The following C1R variants were observed in gnomAD, a reference collection of about 807,000 sequenced individuals.
C1R encodes complement C1r.
A neutral mutation model predicts 27.6 loss-of-function variants in C1R; 15 were observed. The ratio of observed to expected loss-of-function variants is 0.54; its 90% CI spans 0.36 to 0.84. C1R has a LOEUF of 0.84. Among genes scored for constraint, C1R ranks in the 40% least tolerant of loss-of-function variants. The probability of loss-of-function intolerance (pLI) is 0.01; values close to 1 mark genes in which losing one functional copy is unlikely to be tolerated. For synonymous variants in C1R, 253 were observed against 228.8 expected, an observed-to-expected ratio of 1.11 and a Z score of -0.95; for missense variants, 544 against 577.9, an observed-to-expected ratio of 0.94 and a Z score of 0.60.
Position 7,085,068 on chromosome 12 carries a change from ATAG to A in C1R, c.1273+790_1273+792del, listed in dbSNP as rs1203750036. 3.2e-5 allele frequency among the ~76,000 whole-genome samples: 4 copies of A among 125,016 alleles called. No individual in the cohort carries two copies. The East Asian group carries it at 9.5e-4, about 30-fold the overall frequency. The allele number at this position is 125,016 out of a possible 152,430, so 82.0% of individuals were successfully genotyped here. ...ATTGTTGACAGTGGTGTTGGTAATG[ATAG>A]TGGTGATGGTGGTGATGGTGGTGTT... On this transcript the variant is annotated intron_variant, in intron 9 of 10. Transcript: ENST00000647956.
chr12:7,085,270 G>A (rs1184418345), intron 9 of C1R, among the ~76,000 whole-genome samples: 1 of 150,980 alleles, frequency 6.6e-6, no homozygotes, highest in Non-Finnish European at 1.5e-5. Context: ...TCATGGTAGT[G>A]TTGACAGTGG....
rs1001468085 is a variant in C1R at position 7,084,990 on chromosome 12, G to A, written c.1273+871C>T. ...GGTGATGGTGCTGATGATGGTGTTG[G>A]TGGTGATGGTGGTGGTGATGGTGGT... is the stretch of plus-strand genomic sequence containing the variant. On this transcript the variant is annotated intron_variant, in intron 9 of 10. Transcript: ENST00000647956. Among the ~76,000 whole-genome samples, 9 of 148,506 alleles carry A rather than the reference G, an allele frequency of 6.1e-5. No homozygotes were observed. The East Asian group carries it at 1.4e-3, about 23-fold the overall frequency.
chr12:7,083,512 A>G (rs1266531687), intron 9 of C1R, among the ~76,000 whole-genome samples: 15 of 137,962 alleles, frequency 1.1e-4, no homozygotes, highest in Middle Eastern at 5.1e-3. Context: ...TGGTGGTGAT[A>G]TTGGTGTTGG....
intron 3 of C1R, 139 bp from the exon 4 acceptor site, chr12:7,089,872 C>T: frequency 1.4e-6 from 1 of 711,994 alleles, no homozygotes; most frequent in Non-Finnish European, 2.6e-6. Flanking sequence ...CTCTCCAATG[C>T]TCTCTGGGGA....
Position 7,088,848 on chromosome 12 carries a change from T to G in C1R, c.907A>C (p.Thr303Pro). 1 of 773,226 alleles carries G rather than the reference T, an allele frequency of 1.3e-6. No individual in the cohort carries two copies. The highest frequency in any genetic ancestry group is 2.4e-6 in the Non-Finnish European group (1 of 415,034). The allele number at this position is 773,226 out of a possible 1,614,324, so 47.9% of individuals were successfully genotyped here. Residue 303 changes from threonine (T) to proline (P), a missense_variant, in exon 6 of 11, where the codon ACC (threonine) becomes CCC (proline). Physicochemically the swap from Thr to Pro is conservative, Grantham distance 38 (BLOSUM62 -1). Around this residue, in one of 2 missense-constraint regions of C1R, gnomAD observed 291 missense variants for 209.0 expected, o/e 1.39. Coordinates refer to ENST00000647956, the MANE Select transcript of C1R (RefSeq NM_001733.7). ...CTGCAGGGAGCCTTACTCTCGGTGG[T>G]GTAGCGCAGCTTCCAGCCCCGGCTG... ...GDSRGWKLRY[T>P]TEIIKCPQPK...
In C1R at chr12:7,091,521, G is replaced by A. The variant is rs1258956414; in HGVS notation, c.162C>T (p.Tyr54=). ...ACTGCTGGAAGACGAGCTTCACCCT[G>A]TATCCCGTGGGGACTGTGATCACAG... ...TTTVITVPTG[Y]RVKLVFQQFD... The change falls in exon 2 of 11, where the codon TAC becomes TAT. Residue 54 remains tyrosine (Y), a synonymous_variant. Transcript: ENST00000647956. This position sits in a 1 kb window ranked among gnomAD's most constrained non-coding sequence, Gnocchi z 5.1. The A allele has an allele frequency of 1.3e-6, 1 of 778,844 alleles. No homozygotes were observed. Among genetic ancestry groups the A allele is most frequent in the Non-Finnish European group, 2.4e-6 (1 of 417,138 alleles). 48.2% of individuals were successfully genotyped at this position (778,844 alleles called of 1,614,324 possible). A position where few individuals can be genotyped will look rare whatever the true frequency, so the allele number is the denominator to read the frequency against.
chr12:7,082,392 C>T (rs965723722), intron 9 of C1R, among the ~76,000 whole-genome samples: 9 of 151,942 alleles, frequency 5.9e-5, no homozygotes, highest in South Asian at 4.2e-4. Context: ...AGTGCAGTGG[C>T]GCAATCTCGG....
At chr12:7,082,252 T>C in intron 9 of C1R, 146 bp from the exon 10 acceptor site, 1 of 644,622 alleles carries the variant, frequency 1.6e-6, no homozygotes, top group African/African-American at 1.8e-5. Flanking sequence ...AAGGCTCAAC[T>C]CTAGAAGGAA....
chr12:7,089,777 C>T (rs1360921478), intron 3 of C1R, 44 bp from the exon 4 acceptor site: 1 of 772,490 alleles, frequency 1.3e-6, no homozygotes, highest in Non-Finnish European at 2.4e-6. Flanking sequence ...TGCTGGGAGA[C>T]CTGAGTAGTG....
At chr12:7,082,141 G>C in intron 9 of C1R, 35 bp from the exon 10 acceptor site, 1 of 1,265,526 alleles carries the variant, frequency 7.9e-7, no homozygotes, top group Non-Finnish European at 1.1e-6. Context: ...AAGTTGGGGG[G>C]TGATGGGTAA....
chr12:7,089,673 T>C lies in C1R; in HGVS notation c.485A>G (p.Gln162Arg), dbSNP rs1298670075. The C allele has an allele frequency of 1.0e-5, 8 of 780,818 alleles. No homozygotes were observed. Among genetic ancestry groups the C allele is most frequent in the Admixed American group, 1.7e-5 (1 of 59,026 alleles). 48.4% of individuals were successfully genotyped at this position (780,818 alleles called of 1,614,324 possible). A position where few individuals can be genotyped will look rare whatever the true frequency, so the allele number is the denominator to read the frequency against. The change falls in exon 4 of 11, where the codon CAG becomes CGG. Residue 162 changes from glutamine (Q) to arginine (R), a missense_variant. Coordinates refer to ENST00000647956, the MANE Select transcript of C1R (RefSeq NM_001733.7). ...TCCAACGTAGTTGTGACACAGGTGC[T>C]GGCACTGGGGCTGGGGATCCTCCTC... ...SGEEDPQPQC[Q>R]HLCHNYVGGY... is the part of the protein sequence containing the mutation.
intron 6 of C1R, 28 bp downstream of exon 6, chr12:7,088,811 A>G: frequency 1.3e-6 from 1 of 768,222 alleles, no homozygotes; most frequent in South Asian, 1.4e-5. Context: ...ATTGCTGGCC[A>G]TCGAGGGAGG....
rs1242882695 is a variant in C1R at position 7,081,098 on chromosome 12, C to G, written c.1552G>C (p.Asp518His). 6.2e-7 allele frequency: 1 copy of G among 1,613,922 alleles called. No homozygotes were observed. ...EHEAQSNASL[D>H]VFLGHTNVEE... ...ACATTTGTGTGGCCCAGGAACACAT[C>G]CAAAGAGGCGTTGCTTTGCGCTTCG... Residue 518 changes from aspartate to histidine, a missense_variant, in exon 11 of 11, where the codon GAT (aspartate) becomes CAT (histidine). By Grantham distance (81) the Asp-to-His change is moderately conservative (BLOSUM62 -1). Around this residue, in one of 2 missense-constraint regions of C1R, gnomAD observed 253 missense variants for 368.9 expected, o/e 0.69. Coordinates refer to ENST00000647956, the MANE Select transcript of C1R (RefSeq NM_001733.7).
In C1R at chr12:7,091,452, C is replaced by CCT; in HGVS notation, c.230_231insAG (p.Ile78GlyfsTer38). 1.3e-6 allele frequency: 1 copy of CCT among 760,456 alleles called. No homozygotes were observed. The highest frequency in any genetic ancestry group is 2.5e-6 in the Non-Finnish European group (1 of 407,766). 47.1% of individuals were successfully genotyped at this position (760,456 alleles called of 1,614,324 possible). ...CTCTGCCCGCCCATCCTGCCCCTAC[C>CCT]TTGACATAATCATAGAAGCAGCCTT... On this transcript the variant is annotated frameshift_variant and splice_region_variant, in exon 2 of 11. Coordinates refer to ENST00000647956, the MANE Select transcript of C1R (RefSeq NM_001733.7). LOFTEE classifies it high-confidence loss of function. The surrounding 1 kb of genome is among the most constrained non-coding windows in gnomAD (Gnocchi z 5.1).
intron 7 of C1R, chr12:7,086,968 A>T (rs1938167132): frequency 6.6e-6 from 1 of 152,386 alleles, no homozygotes; most frequent in East Asian, 1.9e-4. Flanking sequence ...GGTGCTGGAG[A>T]CGTTGATGTA....
chr12:7,090,518 G>A (rs1051276470), intron 2 of C1R, among the ~76,000 whole-genome samples: 1 of 152,108 alleles, frequency 6.6e-6, no homozygotes, highest in Non-Finnish European at 1.5e-5. Flanking sequence ...CAGGTTTCAG[G>A]TCCTTCTCCA....
intron 3 of C1R, 141 bp from the exon 4 acceptor site, chr12:7,089,874 C>T: frequency 5.6e-6 from 4 of 711,730 alleles, no homozygotes; most frequent in Non-Finnish European, 2.6e-6. Context: ...CTCCAATGCT[C>T]TCTGGGGACT....
chr12:7,080,290 A>C lies in C1R; in HGVS notation c.*242T>G, dbSNP rs770905703. On this transcript the variant is annotated 3_prime_UTR_variant, in exon 11 of 11. Transcript: ENST00000647956. The surrounding 1 kb of genome is among the most constrained non-coding windows in gnomAD (Gnocchi z 4.9). Reference sequence around the variant, plus strand: ...CCCAATGGTATCAAAGTGGAAGAGGAAAGTGACAACTAGAGATTGATAACT... The same window carrying C: ...CCCAATGGTATCAAAGTGGAAGAGGCAAGTGACAACTAGAGATTGATAACT... 8.3e-7 allele frequency: 1 copy of C among 1,201,904 alleles called. No homozygotes were observed. The highest frequency in any genetic ancestry group is 1.6e-5 in the African/African-American group (1 of 64,116). The allele number at this position is 1,201,904 out of a possible 1,614,324, so 74.5% of individuals were successfully genotyped here. A position where few individuals can be genotyped will look rare whatever the true frequency, so the allele number is the denominator to read the frequency against.
rs1938164074 is a variant in C1R at position 7,086,838 on chromosome 12, T to G, written c.1039-381A>C. 1.9e-5 allele frequency: 3 copies of G among 159,188 alleles called. No individual in the cohort carries two copies. The Admixed American group carries it at 1.9e-4, about 10-fold the overall frequency. The allele number at this position is 159,188 out of a possible 1,614,324, so 9.9% of individuals were successfully genotyped here. A position where few individuals can be genotyped will look rare whatever the true frequency, so the allele number is the denominator to read the frequency against. On this transcript the variant is annotated intron_variant, in intron 7 of 10. Coordinates refer to ENST00000647956, the MANE Select transcript of C1R (RefSeq NM_001733.7). ...AAGCCTGTGCTCCAGGGCAGAACTG[T>G]GTTTCTCTTGCTGGTGTCCCCTGCC...
Sources: gnomAD v4.1 joint callset for allele counts (sites outside exome capture counted in the v4.1 genomes callset) on GRCh38, gnomAD v4.1.1 for gene constraint, gnomAD v4.1.1 regional missense constraint, Gnocchi (gnomAD v3.1) non-coding constraint, MANE v1.5 for transcripts, NCBI Gene and HGNC (gene_info 2026-07-23, HGNC 2026-07-21) for gene names.